Variants in SPAG16 observed in about 807,000 individuals in gnomAD.
The protein encoded by SPAG16 is sperm associated antigen 16, also known as sperm-associated antigen 16 protein.
In SPAG16, 86 loss-of-function variants were observed where a neutral mutation model predicts 80.4. That is an observed-to-expected ratio of 1.07 (90% confidence interval 0.90 to 1.28). SPAG16 has a LOEUF of 1.28. SPAG16 is among the 50% of genes most tolerant of loss of function. The pLI, the probability that SPAG16 is intolerant of heterozygous loss-of-function variation, is 0.00. For missense variants in SPAG16, 870 were observed against 765.3 expected, an observed-to-expected ratio of 1.14 and a Z score of -1.61; for synonymous variants, 294 against 265.9, an observed-to-expected ratio of 1.11 and a Z score of -1.03.
intron 14 of SPAG16, among the ~76,000 whole-genome samples, chr2:214,110,367 A>G (rs2053603936): frequency 6.7e-6 from 1 of 149,944 alleles, no homozygotes; most frequent in Admixed American, 6.7e-5. Flanking sequence ...AATCCCACCT[A>G]TGAGTGAGAA....
chr2:213,860,462 G>GATATAT (rs2075396747), intron 10 of SPAG16, among the ~76,000 whole-genome samples: 1 of 128,720 alleles, frequency 7.8e-6, no homozygotes, highest in Non-Finnish European at 1.6e-5. Context: ...TATATATACA[G>GATATAT]ATATATCTAT....
At chr2:214,231,221 A>G (rs1688681168) in intron 15 of SPAG16, among the ~76,000 whole-genome samples, 1 of 152,006 alleles carries the variant, frequency 6.6e-6, no homozygotes, top group Non-Finnish European at 1.5e-5. Context: ...TGACTAAAAT[A>G]TTTCAAATGC....
chr2:213,996,947 A>G (rs2046549551), intron 12 of SPAG16, among the ~76,000 whole-genome samples: 1 of 152,022 alleles, frequency 6.6e-6, no homozygotes, highest in African/African-American at 2.4e-5. Context: ...ATTTTTTCTT[A>G]TATGTTATAT....
chr2:214,174,419 A>G (rs1471981431), intron 15 of SPAG16, among the ~76,000 whole-genome samples: 1 of 152,034 alleles, frequency 6.6e-6, no homozygotes, highest in Non-Finnish European at 1.5e-5. Flanking sequence ...AATCACAAGC[A>G]TTCTTATACA....
intron 10 of SPAG16, among the ~76,000 whole-genome samples, chr2:213,535,634 T>G (rs1423908693): frequency 1.3e-5 from 2 of 152,174 alleles, no homozygotes; most frequent in East Asian, 3.8e-4. Context: ...GAACTCTAAT[T>G]GTTTTGTTAC....
intron 10 of SPAG16, among the ~76,000 whole-genome samples, chr2:213,696,756 A>T (rs1337128218): frequency 6.6e-6 from 1 of 152,182 alleles, no homozygotes; most frequent in East Asian, 1.9e-4. Context: ...GTCATTTGTT[A>T]TAAGAACTAT....
chr2:214,265,522 T>C (rs551434363), intron 15 of SPAG16, among the ~76,000 whole-genome samples: 1 of 152,212 alleles, frequency 6.6e-6, no homozygotes, highest in East Asian at 1.9e-4. Flanking sequence ...ATCTAATACA[T>C]GTTTTGCAAA....
intron 13 of SPAG16, among the ~76,000 whole-genome samples, chr2:214,050,332 G>A (rs957275712): frequency 1.3e-5 from 2 of 151,834 alleles, no homozygotes; most frequent in Non-Finnish European, 2.9e-5. Context: ...GCGGATCCCA[G>A]GACTGCATAT....
At chr2:213,630,417 G>A (rs1278347612) in intron 10 of SPAG16, among the ~76,000 whole-genome samples, 1 of 151,644 alleles carries the variant, frequency 6.6e-6, no homozygotes. Context: ...TGTCTTCACA[G>A]ATGAACTGAT....
At chr2:213,391,433 A>G (rs1165922948) in intron 9 of SPAG16, among the ~76,000 whole-genome samples, 1 of 152,216 alleles carries the variant, frequency 6.6e-6, no homozygotes, top group Non-Finnish European at 1.5e-5. Context: ...CTTTTAGAGT[A>G]TGAATTAGTT....
At chr2:214,122,012 A>C (rs1341722661) in intron 14 of SPAG16, among the ~76,000 whole-genome samples, 1 of 151,814 alleles carries the variant, frequency 6.6e-6, no homozygotes, top group East Asian at 1.9e-4. Context: ...TAATGGAGAT[A>C]ATGTTCCTTT....
chr2:213,299,868 T>C (rs1057260051), intron 3 of SPAG16, among the ~76,000 whole-genome samples: 3 of 152,124 alleles, frequency 2.0e-5, no homozygotes, highest in Admixed American at 6.5e-5. Context: ...CAAGTAAAGG[T>C]AGGATTATAT....
chr2:213,365,901 G>A (rs1238089932), intron 8 of SPAG16, among the ~76,000 whole-genome samples: 1 of 151,552 alleles, frequency 6.6e-6, no homozygotes, highest in African/African-American at 2.4e-5. Flanking sequence ...CCAGCACTTT[G>A]GGAGGCTGAG....
At chr2:214,098,449 T>C (rs994299426) in intron 13 of SPAG16, among the ~76,000 whole-genome samples, 2 of 151,970 alleles carry the variant, frequency 1.3e-5, no homozygotes, top group African/African-American at 4.8e-5. Context: ...ATGACTAGTG[T>C]CCTCATAAAG....
chr2:213,515,103 C>G (rs1322760672), intron 10 of SPAG16, among the ~76,000 whole-genome samples: 1 of 152,006 alleles, frequency 6.6e-6, no homozygotes, highest in Non-Finnish European at 1.5e-5. Context: ...AAATAGCTAA[C>G]TTGTATGTAA....
chr2:214,014,413 C>T (rs948716488), intron 13 of SPAG16, among the ~76,000 whole-genome samples: 7 of 151,998 alleles, frequency 4.6e-5, no homozygotes, highest in Non-Finnish European at 8.8e-5. Flanking sequence ...GGAAGAGAAA[C>T]GAGAGATTAT....
chr2:213,284,825 C>T lies in SPAG16; in HGVS notation c.136+206C>T. ...CTCGCCCTTAGTAGCCCAGGGTGTC[C>T]TGTACCTGTTAGAAGAGTTGGGAGA... On this transcript the variant is annotated intron_variant, in intron 1 of 15. Transcript: ENST00000331683. 5 of 678,324 alleles carry T rather than the reference C, an allele frequency of 7.4e-6. No homozygotes were observed. In the South Asian group the frequency reaches 1.1e-4, roughly 15 times the overall value. 42.0% of individuals were successfully genotyped at this position (678,324 alleles called of 1,614,324 possible).
At chr2:213,926,782 A>C (rs2078501319) in intron 11 of SPAG16, among the ~76,000 whole-genome samples, 1 of 152,158 alleles carries the variant, frequency 6.6e-6, no homozygotes, top group African/African-American at 2.4e-5. Context: ...TTATTAGCTC[A>C]TCCTCAGTCA....
intron 9 of SPAG16, among the ~76,000 whole-genome samples, chr2:213,476,268 C>T (rs1010512572): frequency 6.6e-5 from 10 of 152,210 alleles, no homozygotes; most frequent in Non-Finnish European, 4.4e-5. Flanking sequence ...AACAGGCTGT[C>T]GGGAATTGGA....
Sources: allele counts gnomAD v4.1 joint callset (sites outside exome capture counted in the v4.1 genomes callset), GRCh38; gene constraint gnomAD v4.1.1; transcripts MANE v1.5; gene names NCBI Gene and HGNC (gene_info 2026-07-23, HGNC 2026-07-21).